Variants in PLA2G4B observed in about 807,000 individuals in gnomAD.
The protein encoded by PLA2G4B is phospholipase A2 group IVB.
PLA2G4B carries 122 observed loss-of-function variants against 95.8 expected under a neutral mutation model. The ratio of observed to expected loss-of-function variants is 1.27; its 90% CI spans 1.10 to 1.48. The LOEUF (loss-of-function observed/expected upper bound fraction) is 1.48, where lower values mean the gene tolerates loss of function less well. PLA2G4B is among the 40% of genes most tolerant of loss of function. The pLI, the probability that PLA2G4B is intolerant of heterozygous loss-of-function variation, is 0.00. For synonymous variants in PLA2G4B, 518 were observed against 421.5 expected (o/e 1.23, Z -2.80); for missense variants, 1,158 against 996.2 (o/e 1.16, Z -2.19).
rs369122431 is a variant in PLA2G4B at position 41,847,670 on chromosome 15, A to C, written c.2156A>C (p.Glu719Ala). The C allele has an allele frequency of 9.3e-5, 150 of 1,613,496 alleles. No individual in the cohort carries two copies. The highest frequency in any genetic ancestry group is 1.1e-4 in the Non-Finnish European group (129 of 1,180,032). Reference protein sequence around the residue: ...SAPGVRRTPEEAAAGEVNLSS... With the variant: ...SAPGVRRTPEAAAAGEVNLSS... ...ACAGGGGTCCGGCGGACACCCGAGG[A>C]GGCGGCAGCTGGGGAGGTGAACCTG... is the stretch of plus-strand genomic sequence containing the variant. Residue 719 changes from glutamate (E) to alanine (A), a missense_variant, in exon 20 of 20, where the codon GAG becomes GCG. Coordinates refer to ENST00000458483, the MANE Select transcript of PLA2G4B (RefSeq NM_001114633.2).
chr15:41,846,672 C>T lies in PLA2G4B; in HGVS notation c.1784C>T (p.Thr595Ile). The change falls in exon 18 of 20, where the codon ACC (threonine) becomes ATC (isoleucine). Residue 595 changes from threonine (T) to isoleucine (I), a missense_variant. By Grantham distance (89) the Thr-to-Ile change is moderately conservative. Transcript: ENST00000458483. ...GCTGCTCTCCCCAACCTTCCAGCTA[C>T]CACTCTGGATGGGCTCCCCAACCAG... ...QHPHFSTWKATTLDGLPNQLT... is the reference protein window; with the variant it reads ...QHPHFSTWKAITLDGLPNQLT... The T allele has an allele frequency of 6.2e-7, 1 of 1,605,636 alleles. No individual in the cohort carries two copies. The highest frequency in any genetic ancestry group is 8.5e-7 in the Non-Finnish European group (1 of 1,174,236).
Position 41,846,165 on chromosome 15 carries a change from G to A in PLA2G4B, c.1601-38G>A, listed in dbSNP as rs376755135. On this transcript the variant is annotated intron_variant, in intron 16 of 19. Transcript: ENST00000458483. ...GGTCACCACCAAGGTGGGGATAAAG[G>A]TGCAGGAGTCCCCATTTCCCCCACC... The A allele has an allele frequency of 4.6e-5, 74 of 1,601,804 alleles. 2 individuals carry two copies. In the South Asian group the frequency reaches 7.6e-4, roughly 16 times the overall value.
At chr15:41,840,732 G>T in intron 3 of PLA2G4B, 42 bp from the exon 4 acceptor site, 1 of 1,607,728 alleles carries the variant, frequency 6.2e-7, no homozygotes, top group Non-Finnish European at 8.5e-7. Context: ...TCACCTTTCT[G>T]TCCCCTCCCT....
rs1004595454 is a variant in PLA2G4B at position 41,847,375 on chromosome 15, G to A, written c.1986G>A (p.Gly662=). The change falls in exon 19 of 20, where the codon GGG becomes GGA. Residue 662 remains glycine, a synonymous_variant. Coordinates refer to ENST00000458483, the MANE Select transcript of PLA2G4B (RefSeq NM_001114633.2). Reference sequence around the variant, plus strand: ...TGGGCCGGTTCTGCCAGGAGCAGGGGATCCCGTTCCCACCCATCTCGCCCA... The same window carrying A: ...TGGGCCGGTTCTGCCAGGAGCAGGGAATCCCGTTCCCACCCATCTCGCCCA... ...QLLGRFCQEQ[G]IPFPPISPSP... 2 of 1,610,598 alleles carry A rather than the reference G, an allele frequency of 1.2e-6. No homozygotes were observed. The highest frequency in any genetic ancestry group is 4.5e-5 in the East Asian group (2 of 44,838).
chr15:41,842,448 G>A, intron 9 of PLA2G4B, 106 bp from the exon 10 acceptor site: 7 of 1,553,446 alleles, frequency 4.5e-6, no homozygotes, highest in Non-Finnish European at 6.1e-6. Flanking sequence ...TGGCGCCTGT[G>A]GAGACGGTGG....
chr15:41,841,191 C>T, intron 5 of PLA2G4B, 40 bp from the exon 6 acceptor site: 1 of 1,613,954 alleles, frequency 6.2e-7, no homozygotes, highest in Non-Finnish European at 8.5e-7. Context: ...GGGGTGGGAA[C>T]CTGGACTCCT....
At chr15:41,841,683 G>A in intron 7 of PLA2G4B, 112 bp downstream of exon 7, 1 of 1,568,722 alleles carries the variant, frequency 6.4e-7, no homozygotes, top group Non-Finnish European at 8.7e-7. Flanking sequence ...CCTTCTCGGG[G>A]GACTGTGGTG....
In PLA2G4B at chr15:41,841,439, G is replaced by A. The variant is rs2065430317; in HGVS notation, c.436-78G>A. The A allele has an allele frequency of 1.4e-5, 22 of 1,611,412 alleles. No individual in the cohort carries two copies. The South Asian group carries it at 2.4e-4, about 18-fold the overall frequency. On this transcript the variant is annotated intron_variant, in intron 6 of 19. Coordinates refer to ENST00000458483, the MANE Select transcript of PLA2G4B (RefSeq NM_001114633.2). ...CCAGGTAATGAAGTGCAGACCAGCA[G>A]CAGCCAGGGTGCTGCGAGGGTGGGG...
intron 6 of PLA2G4B, 40 bp downstream of exon 6, chr15:41,841,313 C>T (rs1295622255): frequency 2.0e-5 from 32 of 1,611,442 alleles, no homozygotes; most frequent in East Asian, 1.6e-4. Flanking sequence ...CTGGGGTCCC[C>T]GGGACTCCCT....
chr15:41,841,898 C>G lies in PLA2G4B; in HGVS notation c.570C>G (p.Phe190Leu), dbSNP rs779461224. The G allele has an allele frequency of 6.8e-6, 11 of 1,613,244 alleles. No individual in the cohort carries two copies. In the African/African-American group the frequency reaches 1.2e-4, roughly 18 times the overall value. ...PQEASVGTGTFRFHCPACWEQ... is the reference protein window; with the variant it reads ...PQEASVGTGTLRFHCPACWEQ... Reference sequence around the variant, plus strand: ...AGGCCTCTGTGGGCACTGGCACCTTCCGCTTCCACTGCCCAGCCTGCTGGG... The same window carrying G: ...AGGCCTCTGTGGGCACTGGCACCTTGCGCTTCCACTGCCCAGCCTGCTGGG... The change falls in exon 8 of 20, where the codon TTC becomes TTG. Residue 190 changes from phenylalanine to leucine, a missense_variant. Transcript: ENST00000458483.
At position 41,843,707 on chromosome 15, in the gene PLA2G4B, G is replaced by A. The variant is rs760448568; in HGVS notation, c.775G>A (p.Gly259Arg). 2.2e-5 allele frequency: 36 copies of A among 1,613,730 alleles called. No homozygotes were observed. The Admixed American group carries it at 2.5e-4, about 11-fold the overall frequency. Reference protein sequence around the residue: ...LRELAVRLGFGPCAEEQAFLS... With the variant: ...LRELAVRLGFRPCAEEQAFLS... ...GGAGCTGGCCGTGCGACTGGGCTTC[G>A]GGCCCTGTGCAGAGGAGCAGGCCTT... The change falls in exon 11 of 20, where the codon GGG becomes AGG. Residue 259 changes from glycine to arginine, a missense_variant. Transcript: ENST00000458483.
intron 12 of PLA2G4B, 61 bp from the exon 13 acceptor site, chr15:41,844,787 G>T: frequency 5.8e-6 from 9 of 1,544,596 alleles, no homozygotes; most frequent in Non-Finnish European, 7.9e-6. Flanking sequence ...CCCGGGGCAC[G>T]TGGGGTCTAG....
chr15:41,846,787 C>A lies in PLA2G4B; in HGVS notation c.1899C>A (p.Asp633Glu), dbSNP rs773280489. The change falls in exon 18 of 20, where the codon GAC (aspartate) becomes GAA (glutamate). Residue 633 changes from aspartate (D) to glutamate (E), a missense_variant. By Grantham distance (45) the Asp-to-Glu change is conservative. Coordinates refer to ENST00000458483, the MANE Select transcript of PLA2G4B (RefSeq NM_001114633.2). ...TGCCCCTCCTGCAGCCCACTCGGGA[C>A]GTGGACCTCATCCTGTCATTGGACT... ...SCLPLLQPTR[D>E]VDLILSLDYN... The A allele has an allele frequency of 6.2e-7, 1 of 1,613,872 alleles. No individual in the cohort carries two copies. Among genetic ancestry groups the A allele is most frequent in the Non-Finnish European group, 8.5e-7 (1 of 1,179,884 alleles).
Position 41,844,832 on chromosome 15 carries a change from C to A in PLA2G4B, c.1017-16C>A. 6.3e-7 allele frequency: 1 copy of A among 1,584,694 alleles called. No homozygotes were observed. The highest frequency in any genetic ancestry group is 8.6e-7 in the Non-Finnish European group (1 of 1,166,928). On this transcript the variant is annotated splice_polypyrimidine_tract_variant and intron_variant, in intron 12 of 19. Transcript: ENST00000458483. ...TTCAGTGACAGCCCTCTGGCTTTGG[C>A]TTTGGCTTTTCCCAGGGCCTTGGCC...
At chr15:41,844,761 C>CCATT (rs2065501448) in intron 12 of PLA2G4B, 87 bp from the exon 13 acceptor site, 1 of 1,536,992 alleles carries the variant, frequency 6.5e-7, no homozygotes, top group Admixed American at 2.0e-5. Context: ...CCCTGCCAGG[C>CCATT]CATTGTCCTA....
chr15:41,839,934 CA>C (rs2065393392), intron 1 of PLA2G4B: 3 of 567,806 alleles, frequency 5.3e-6, no homozygotes, highest in Non-Finnish European at 9.3e-6. Context: ...TTAATGTATG[CA>C]AAGCCCTTGG....
Position 41,840,230 on chromosome 15 carries a change from G to T in PLA2G4B, c.82G>T (p.Val28Leu), listed in dbSNP as rs745989136. ...QAHRLPSKDL[V>L]TPSDCYVTLW... ...CCATCGCCTACCCTCTAAGGACCTA[G>T]GTGAGTGCGCACCGCCCTGGCCCCT... Residue 28 changes from valine to leucine, a missense_variant and splice_region_variant, in exon 2 of 20, where the codon GTG (valine) becomes TTG (leucine). By Grantham distance (32) the Val-to-Leu change is conservative. Coordinates refer to ENST00000458483, the MANE Select transcript of PLA2G4B (RefSeq NM_001114633.2). 3 of 1,612,858 alleles carry T rather than the reference G, an allele frequency of 1.9e-6. No homozygotes were observed. Among genetic ancestry groups the T allele is most frequent in the Non-Finnish European group, 8.5e-7 (1 of 1,180,014 alleles).
At chr15:41,839,980 G>A in intron 1 of PLA2G4B, 178 bp from the exon 2 acceptor site, 1 of 700,116 alleles carries the variant, frequency 1.4e-6, no homozygotes, top group South Asian at 2.1e-5. Flanking sequence ...GTAAGTGCTG[G>A]CAGGCGTCAT....
chr15:41,845,685 G>A lies in PLA2G4B; in HGVS notation c.1405G>A (p.Ala469Thr). ...CGAGGTCGGCTTCCCCAAGTACGGG[G>A]CCTTCATCCCCTCTGAGCTCTTTGG... The part of the protein sequence containing the change: ...PYEVGFPKYG[A>T]FIPSELFGSE... The change falls in exon 15 of 20, where the codon GCC becomes ACC. Residue 469 changes from alanine to threonine, a missense_variant. Coordinates refer to ENST00000458483, the MANE Select transcript of PLA2G4B (RefSeq NM_001114633.2). 1 of 1,614,144 alleles carries A rather than the reference G, an allele frequency of 6.2e-7. No individual in the cohort carries two copies. The highest frequency in any genetic ancestry group is 8.5e-7 in the Non-Finnish European group (1 of 1,180,008).
Sources: allele counts gnomAD v4.1 joint callset, GRCh38; gene constraint gnomAD v4.1.1; transcripts MANE v1.5; gene names NCBI Gene and HGNC (gene_info 2026-07-23, HGNC 2026-07-21).